The following USP22 variants were observed in gnomAD, a reference collection of about 807,000 sequenced individuals.
USP22 encodes the protein ubiquitin carboxyl-terminal hydrolase 22.
A neutral mutation model predicts 68.1 loss-of-function variants in USP22; 22 were observed. The observed-to-expected ratio is 0.32, with a 90% CI of 0.23 to 0.46. USP22 has a LOEUF of 0.46. USP22 is among the 20% of genes least tolerant of loss of function. The probability of loss-of-function intolerance (pLI) is 1.00; values close to 1 mark genes in which losing one functional copy is unlikely to be tolerated. For missense variants in USP22, 433 were observed against 695.8 expected (o/e 0.62, Z 4.25); for synonymous variants, 279 against 274.2 (o/e 1.02, Z -0.17).
chr17:21,018,715 A>AG (rs2143573072), intron 4 of USP22, among the ~76,000 whole-genome samples: 1 of 151,186 alleles, frequency 6.6e-6, no homozygotes, highest in Admixed American at 6.6e-5. Flanking sequence ...AAAAAGAAAA[A>AG]GTTTTAAAGG....
intron 1 of USP22, among the ~76,000 whole-genome samples, chr17:21,040,562 G>A (rs567061737): frequency 2.0e-5 from 3 of 151,536 alleles, no homozygotes; most frequent in Non-Finnish European, 4.4e-5. Flanking sequence ...CTAAGCAACT[G>A]ACATCTGAAA....
chr17:21,004,522 G>A (rs1361434543), intron 11 of USP22, among the ~76,000 whole-genome samples, 171 bp from the exon 12 acceptor site: 1 of 152,154 alleles, frequency 6.6e-6, no homozygotes, highest in Non-Finnish European at 1.5e-5. Context: ...AGGGAGCCTG[G>A]TCACCCCCCT....
chr17:21,014,385 A>G (rs1303969481), intron 6 of USP22, among the ~76,000 whole-genome samples: 1 of 152,248 alleles, frequency 6.6e-6, no homozygotes, highest in Non-Finnish European at 1.5e-5. Flanking sequence ...TTGGGGTAAC[A>G]GCATAGTCAC....
intron 7 of USP22, among the ~76,000 whole-genome samples, chr17:21,011,985 C>T (rs1913985880): frequency 6.6e-6 from 1 of 152,154 alleles, no homozygotes; most frequent in African/African-American, 2.4e-5. Flanking sequence ...GTCTATGCTC[C>T]TTATAGAAAA....
Position 21,002,549 on chromosome 17 carries a change from C to T in USP22, c.*482G>A, listed in dbSNP as rs989611986. 2 of 162,938 alleles carry T rather than the reference C, an allele frequency of 1.2e-5. No individual in the cohort carries two copies. The highest frequency in any genetic ancestry group is 4.8e-5 in the African/African-American group (2 of 41,636). The allele number at this position is 162,938 out of a possible 1,614,324, so 10.1% of individuals were successfully genotyped here. A position where few individuals can be genotyped will look rare whatever the true frequency, so the allele number is the denominator to read the frequency against. On this transcript the variant is annotated 3_prime_UTR_variant, in exon 13 of 13. Transcript: ENST00000261497. ...AAATGGAGGTGAAGAGTTCCATACT[C>T]TCCGTATTTTAACACTAAAACACCA...
At chr17:21,010,075 C>G (rs1341214707) in intron 8 of USP22, among the ~76,000 whole-genome samples, 1 of 151,880 alleles carries the variant, frequency 6.6e-6, no homozygotes, top group Non-Finnish European at 1.5e-5. Flanking sequence ...GCCCTGGACA[C>G]TGAGGCTGAG....
chr17:21,005,752 G>A (rs926008432), intron 10 of USP22, among the ~76,000 whole-genome samples: 2 of 152,138 alleles, frequency 1.3e-5, no homozygotes, highest in Admixed American at 6.5e-5. Flanking sequence ...CTGGGACTGT[G>A]GCCACCAAAA....
At position 21,011,223 on chromosome 17, in the gene USP22, C is replaced by T. The variant is rs1226385866; in HGVS notation, c.1031G>A (p.Gly344Glu). 2 of 1,610,778 alleles carry T rather than the reference C, an allele frequency of 1.2e-6. No individual in the cohort carries two copies. The highest frequency in any genetic ancestry group is 1.3e-5 in the African/African-American group (1 of 74,854). ...CCCGTTTACCACGTTGCCCTCGCTC[C>T]CTGGGCTCAGGGGCCAGAATGGGGT... ...SSTPFWPLSP[G>E]SEGNVVNGES... The change falls in exon 8 of 13, where the codon GGG becomes GAG. Residue 344 changes from glycine (G) to glutamate (E), a missense_variant. By Grantham distance (98) the Gly-to-Glu change is moderately conservative. Around this residue, in one of 4 missense-constraint regions of USP22, gnomAD observed 178 missense variants for 351.5 expected, o/e 0.51. Coordinates refer to ENST00000261497, the MANE Select transcript of USP22 (RefSeq NM_015276.2).
chr17:21,004,815 G>A (rs965319198), intron 11 of USP22, 113 bp downstream of exon 11: 4 of 1,176,984 alleles, frequency 3.4e-6, no homozygotes, highest in African/African-American at 1.5e-5. Context: ...GCAGCCAAGC[G>A]GGAAGCAGGT....
chr17:21,034,257 C>T (rs1972327869), intron 1 of USP22, among the ~76,000 whole-genome samples: 1 of 152,160 alleles, frequency 6.6e-6, no homozygotes, highest in African/African-American at 2.4e-5. Flanking sequence ...TTTCATTCAG[C>T]AAAGGCAAGA....
intron 3 of USP22, among the ~76,000 whole-genome samples, chr17:21,020,679 C>G (rs1478210795): frequency 6.6e-6 from 1 of 152,228 alleles, no homozygotes. Flanking sequence ...GCAAAGAGAT[C>G]GCTTGCTAGA....
chr17:21,038,617 A>G (rs1972386020), intron 1 of USP22, among the ~76,000 whole-genome samples: 1 of 151,894 alleles, frequency 6.6e-6, no homozygotes, highest in African/African-American at 2.4e-5. Context: ...GCAGTGAGCC[A>G]TGATCATACC....
At chr17:21,038,674 A>G (rs1972387145) in intron 1 of USP22, among the ~76,000 whole-genome samples, 1 of 152,060 alleles carries the variant, frequency 6.6e-6, no homozygotes, top group Non-Finnish European at 1.5e-5. Context: ...TCAAAAAAAA[A>G]AAAAATACAT....
chr17:21,011,960 A>C (rs930344567), intron 7 of USP22, among the ~76,000 whole-genome samples: 1 of 152,190 alleles, frequency 6.6e-6, no homozygotes, highest in African/African-American at 2.4e-5. Flanking sequence ...ATACTCAGAG[A>C]CAAGGCCCCA....
intron 2 of USP22, among the ~76,000 whole-genome samples, chr17:21,027,455 C>A (rs1972236680): frequency 1.3e-5 from 2 of 151,994 alleles, no homozygotes; most frequent in Non-Finnish European, 2.9e-5. Flanking sequence ...TCTTTCTAGG[C>A]TAATGTTTTT....
chr17:21,034,912 T>C (rs951455373), intron 1 of USP22, among the ~76,000 whole-genome samples: 33 of 152,068 alleles, frequency 2.2e-4, no homozygotes, highest in African/African-American at 8.0e-4. Context: ...AGGAAAAAAG[T>C]TTGCACGTAA....
upstream of USP22, chr17:21,043,123 A>ACCCCCCCCCCCCCCCCCCCCCCCCCCCC (rs1334241677): frequency 5.3e-5 from 1 of 18,888 alleles, no homozygotes; most frequent in African/African-American, 2.1e-4. Context: ...AGATTACGTC[A>ACCCCCCCCCCCCCCCCCCCCCCCCCCCC]CCCCCCCCCC....
chr17:21,011,127 G>T, intron 8 of USP22, 24 bp downstream of exon 8: 2 of 1,559,502 alleles, frequency 1.3e-6, no homozygotes, highest in Non-Finnish European at 1.7e-6. Context: ...ACACGCCCCC[G>T]CCGTGTGGGT....
Position 21,017,411 on chromosome 17 carries a change from G to A in USP22, c.690+531C>T, listed in dbSNP as rs112999252. Among the ~76,000 whole-genome samples, 1,060 of 152,336 alleles carry A rather than the reference G, an allele frequency of 7.0e-3. 18 individuals are homozygous for A. The highest frequency in any genetic ancestry group is 0.024 in the African/African-American group (1,005 of 41,558). Reference sequence around the variant, plus strand: ...GAGGGCTGAGGCGGCAGCCGTGAACGCCTTGCTCTGAACGCTGCCATGCTC... The same window carrying A: ...GAGGGCTGAGGCGGCAGCCGTGAACACCTTGCTCTGAACGCTGCCATGCTC... On this transcript the variant is annotated intron_variant, in intron 5 of 12. Transcript: ENST00000261497.
Sources: gnomAD v4.1 joint callset for allele counts (sites outside exome capture counted in the v4.1 genomes callset) on GRCh38, gnomAD v4.1.1 for gene constraint, gnomAD v4.1.1 regional missense constraint, MANE v1.5 for transcripts, NCBI Gene and HGNC (gene_info 2026-07-23, HGNC 2026-07-21) for gene names.